USP49: variants seen among roughly 807,000 people sequenced by gnomAD.
USP49 encodes the protein ubiquitin specific peptidase 49.
Under a neutral mutation model 58.6 loss-of-function variants are expected in USP49, and 24 were observed. The ratio of observed to expected loss-of-function variants is 0.41; its 90% confidence interval spans 0.30 to 0.58. USP49 has a LOEUF of 0.58. Ranked by LOEUF, USP49 falls within the 20% of genes least tolerant of loss-of-function variation. The pLI is 0.30. For synonymous variants in USP49, 408 were observed against 365.1 expected (o/e 1.12, Z -1.34); for missense variants, 703 against 866.1 (o/e 0.81, Z 2.36).
intron 2 of USP49, among the ~76,000 whole-genome samples, chr6:41,884,842 A>G (rs1774680346): frequency 6.6e-6 from 1 of 152,242 alleles, no homozygotes; most frequent in African/African-American, 2.4e-5. Context: ...TATATACTAA[A>G]AAATGAGAAA....
At chr6:41,883,756 C>T (rs1212851918) in intron 2 of USP49, among the ~76,000 whole-genome samples, 1 of 152,098 alleles carries the variant, frequency 6.6e-6, no homozygotes, top group African/African-American at 2.4e-5. Flanking sequence ...TGGGTATAAG[C>T]TTATACAACC....
intron 3 of USP49, among the ~76,000 whole-genome samples, chr6:41,824,546 A>G (rs776635347): frequency 4.6e-5 from 7 of 152,114 alleles, no homozygotes; most frequent in Non-Finnish European, 1.5e-5. Flanking sequence ...CCCCGTCTCT[A>G]TTAAAAAATA....
At chr6:41,853,503 T>C (rs1201456358) in intron 3 of USP49, among the ~76,000 whole-genome samples, 1 of 152,206 alleles carries the variant, frequency 6.6e-6, no homozygotes, top group East Asian at 1.9e-4. Context: ...ACTGTACTCT[T>C]GAAAATGAAG....
At chr6:41,847,780 A>T (rs929052568) in intron 3 of USP49, among the ~76,000 whole-genome samples, 2 of 152,154 alleles carry the variant, frequency 1.3e-5, no homozygotes, top group Non-Finnish European at 2.9e-5. Flanking sequence ...TAAAGAACTT[A>T]TAGGGCACGA....
chr6:41,863,720 C>CA (rs1157837300), intron 3 of USP49, among the ~76,000 whole-genome samples: 1 of 152,122 alleles, frequency 6.6e-6, no homozygotes, highest in African/African-American at 2.4e-5. Flanking sequence ...AGAAGGTGCT[C>CA]AAAAAATTAG....
chr6:41,823,869 A>T (rs757819926), intron 3 of USP49, among the ~76,000 whole-genome samples: 3 of 151,972 alleles, frequency 2.0e-5, no homozygotes, highest in African/African-American at 4.8e-5. Flanking sequence ...AGTGTGTGTG[A>T]GTGTGTGTGC....
intron 3 of USP49, among the ~76,000 whole-genome samples, chr6:41,822,989 T>C (rs1350716054): frequency 6.6e-6 from 1 of 152,160 alleles, no homozygotes; most frequent in Non-Finnish European, 1.5e-5. Flanking sequence ...GGGGATAGGT[T>C]AAATGAATTA....
At position 41,887,917 on chromosome 6, in the gene USP49, AC is replaced by A. The variant is rs1246557643; in HGVS notation, c.-103+3876del. Among the ~76,000 whole-genome samples the A allele has an allele frequency of 4.6e-5, 7 of 152,290 alleles. 1 individual carries two copies. The highest frequency in any genetic ancestry group is 1.7e-4 in the African/African-American group (7 of 41,562). ...CTATTAACATGTGAATGGAAAAGGG[AC>A]AGTATTATAGTCTTTAAAAATAGCC... On this transcript the variant is annotated intron_variant, in intron 2 of 7. Transcript: ENST00000682992.
At chr6:41,832,580 G>A (rs79961414) in intron 3 of USP49, among the ~76,000 whole-genome samples, 2,558 of 152,194 alleles carry the variant, frequency 0.017, 55 homozygotes, top group African/African-American at 0.051. Flanking sequence ...ATACTTAAAC[G>A]TGTTTTTTTC....
At chr6:41,798,633 T>C (rs752693112) in intron 7 of USP49, 91 bp downstream of exon 7, 4 of 1,607,060 alleles carry the variant, frequency 2.5e-6, no homozygotes, top group Non-Finnish European at 3.4e-6. Flanking sequence ...CTCTAGGTAA[T>C]CCATGGGATG....
At chr6:41,849,645 G>T (rs1773986699) in intron 3 of USP49, among the ~76,000 whole-genome samples, 1 of 145,570 alleles carries the variant, frequency 6.9e-6, no homozygotes, top group Non-Finnish European at 1.5e-5. Flanking sequence ...GTGTTGCTCT[G>T]TTGCCAGGCT....
chr6:41,834,250 A>C (rs1300620522), intron 3 of USP49, among the ~76,000 whole-genome samples: 1 of 152,200 alleles, frequency 6.6e-6, no homozygotes. Flanking sequence ...ACTCTATCAT[A>C]ACATCGAGCA....
At chr6:41,837,975 G>A (rs752753645) in intron 3 of USP49, among the ~76,000 whole-genome samples, 1 of 152,194 alleles carries the variant, frequency 6.6e-6, no homozygotes, top group Non-Finnish European at 1.5e-5. Context: ...AAGATGTGGA[G>A]AAAAGGGACC....
intron 2 of USP49, among the ~76,000 whole-genome samples, chr6:41,876,518 G>A (rs1168884348): frequency 6.6e-6 from 1 of 152,104 alleles, no homozygotes; most frequent in Non-Finnish European, 1.5e-5. Context: ...CTGGGTTCAA[G>A]TGATTCTGCC....
chr6:41,815,645 G>A (rs1379036679), intron 3 of USP49, among the ~76,000 whole-genome samples: 2 of 152,100 alleles, frequency 1.3e-5, no homozygotes. Context: ...AAGACCCCCT[G>A]GAGAGGCTGA....
chr6:41,886,717 C>T (rs1002568255), intron 2 of USP49, among the ~76,000 whole-genome samples: 3 of 152,084 alleles, frequency 2.0e-5, no homozygotes, highest in Non-Finnish European at 2.9e-5. Context: ...GCCAACATGG[C>T]GAAACCCCAT....
chr6:41,847,805 T>C (rs750641282), intron 3 of USP49, among the ~76,000 whole-genome samples: 2 of 151,906 alleles, frequency 1.3e-5, no homozygotes, highest in Non-Finnish European at 2.9e-5. Context: ...GACAACACAT[T>C]CTGAAATGCA....
chr6:41,832,332 T>C (rs887888125), intron 3 of USP49, among the ~76,000 whole-genome samples: 1 of 152,240 alleles, frequency 6.6e-6, no homozygotes, highest in African/African-American at 2.4e-5. Flanking sequence ...TCTCTCCCAG[T>C]TCTAGCTCCT....
intron 5 of USP49, among the ~76,000 whole-genome samples, chr6:41,802,479 ATTTTTTT>A (rs11323812): frequency 1.3e-3 from 102 of 79,766 alleles, no homozygotes; most frequent in African/African-American, 4.4e-3. Flanking sequence ...TTTTTTATTT[ATTTTTTT>A]TTTTTGAGAC....
Sources: gnomAD v4.1 joint callset for allele counts (sites outside exome capture counted in the v4.1 genomes callset) on GRCh38, gnomAD v4.1.1 for gene constraint, MANE v1.5 for transcripts, NCBI Gene and HGNC (gene_info 2026-07-23, HGNC 2026-07-21) for gene names.